UBE2E2: variants seen among roughly 807,000 people sequenced by gnomAD.
UBE2E2 encodes the protein ubiquitin conjugating enzyme E2 E2.
UBE2E2 carries 6 observed loss-of-function variants against 24.7 expected under a neutral mutation model. That is an observed-to-expected ratio of 0.24 (90% CI 0.13 to 0.48). UBE2E2 has a LOEUF of 0.48. Ranked by LOEUF, UBE2E2 falls within the 20% of genes least tolerant of loss-of-function variation. UBE2E2 has a pLI of 0.99. For missense variants in UBE2E2, 169 were observed against 245.0 expected, an observed-to-expected ratio of 0.69 and a Z score of 2.07; for synonymous variants, 104 against 83.6, an observed-to-expected ratio of 1.24 and a Z score of -1.33.
chr3:23,350,548 G>T (rs931380017), intron 3 of UBE2E2, among the ~76,000 whole-genome samples: 1 of 152,202 alleles, frequency 6.6e-6, no homozygotes, highest in Non-Finnish European at 1.5e-5. Context: ...TAAAGGAGCT[G>T]ATGGAGCTGA....
At chr3:23,281,092 AC>A (rs1393743391) in intron 3 of UBE2E2, among the ~76,000 whole-genome samples, 2 of 152,076 alleles carry the variant, frequency 1.3e-5, no homozygotes, top group South Asian at 4.2e-4. Context: ...ACCTAATATA[AC>A]CTCAGTTACT....
At chr3:23,432,324 G>A (rs1263990971) in intron 3 of UBE2E2, among the ~76,000 whole-genome samples, 1 of 151,910 alleles carries the variant, frequency 6.6e-6, no homozygotes, top group African/African-American at 2.4e-5. Flanking sequence ...ATTTGTATGA[G>A]GATTCTTCGT....
chr3:23,354,609 C>G (rs1475266996), intron 3 of UBE2E2, among the ~76,000 whole-genome samples: 4 of 152,118 alleles, frequency 2.6e-5, no homozygotes, highest in Admixed American at 2.0e-4. Flanking sequence ...ATTTATGCAG[C>G]CAAAAAACAC....
intron 3 of UBE2E2, among the ~76,000 whole-genome samples, chr3:23,481,250 T>G (rs1699253270): frequency 6.6e-6 from 1 of 152,220 alleles, no homozygotes; most frequent in Non-Finnish European, 1.5e-5. Context: ...AGCTTTAACA[T>G]TTCTATCCTT....
Position 23,332,495 on chromosome 3 carries a change from A to G in UBE2E2, c.227+115183A>G, listed in dbSNP as rs528746302. On this transcript the variant is annotated intron_variant, in intron 3 of 5. Coordinates refer to ENST00000396703, the MANE Select transcript of UBE2E2 (RefSeq NM_152653.4). ...TTAAAATAAAGATAAATCACTGGGG[A>G]AAAACATTTAAAAGCATGTGACTTT... Among the ~76,000 whole-genome samples the G allele has an allele frequency of 5.3e-5, 8 of 152,320 alleles. No homozygotes were observed. The East Asian group carries it at 1.2e-3, about 22-fold the overall frequency.
At chr3:23,327,225 T>C (rs1052827081) in intron 3 of UBE2E2, among the ~76,000 whole-genome samples, 3 of 152,224 alleles carry the variant, frequency 2.0e-5, no homozygotes, top group African/African-American at 7.2e-5. Flanking sequence ...TACTTCTAGT[T>C]CTAGGTCCTT....
chr3:23,236,916 T>C (rs928717246), intron 3 of UBE2E2, among the ~76,000 whole-genome samples: 1 of 152,172 alleles, frequency 6.6e-6, no homozygotes, highest in African/African-American at 2.4e-5. Context: ...GTCTCTCTCT[T>C]TCATTTGCTC....
intron 3 of UBE2E2, among the ~76,000 whole-genome samples, chr3:23,328,095 CT>C (rs979368444): frequency 6.6e-6 from 1 of 151,938 alleles, no homozygotes. Context: ...CAAATGTTTT[CT>C]TTTTTTGTGA....
At chr3:23,259,677 C>T (rs913928105) in intron 3 of UBE2E2, among the ~76,000 whole-genome samples, 1 of 151,758 alleles carries the variant, frequency 6.6e-6, no homozygotes, top group African/African-American at 2.4e-5. Flanking sequence ...AGAAAAATTA[C>T]CTTACATCAT....
intron 3 of UBE2E2, among the ~76,000 whole-genome samples, chr3:23,289,771 T>C (rs1428030841): frequency 6.6e-6 from 1 of 152,242 alleles, no homozygotes; most frequent in Non-Finnish European, 1.5e-5. Flanking sequence ...AGTTATGAAA[T>C]TGTAAAGGAA....
rs531383003 is a variant in UBE2E2 at position 23,268,560 on chromosome 3, A to C, written c.227+51248A>C. On this transcript the variant is annotated intron_variant, in intron 3 of 5. Coordinates refer to ENST00000396703, the MANE Select transcript of UBE2E2 (RefSeq NM_152653.4). ...GCTCAATGAAATAAAAGAGGATACA[A>C]AGAAATGGAAGAACATTCCATGCTC... 8.0e-4 allele frequency among the ~76,000 whole-genome samples: 118 copies of C among 147,276 alleles called. 1 individual carries two copies. The highest frequency in any genetic ancestry group is 2.8e-3 in the African/African-American group (112 of 39,428).
intron 1 of UBE2E2, among the ~76,000 whole-genome samples, chr3:23,207,380 G>T (rs2125315002): frequency 6.6e-6 from 1 of 152,004 alleles, no homozygotes; most frequent in East Asian, 1.9e-4. Flanking sequence ...TGAACTCAGA[G>T]CAAAGGGAAT....
intron 3 of UBE2E2, among the ~76,000 whole-genome samples, chr3:23,348,116 T>A (rs1695616432): frequency 6.6e-6 from 1 of 152,174 alleles, no homozygotes; most frequent in Non-Finnish European, 1.5e-5. Flanking sequence ...ATGGTATGAA[T>A]AACCAATGTT....
At chr3:23,509,231 A>G (rs990572175) in intron 4 of UBE2E2, among the ~76,000 whole-genome samples, 1 of 152,236 alleles carries the variant, frequency 6.6e-6, no homozygotes, top group African/African-American at 2.4e-5. Context: ...ATGAAGCTTC[A>G]GTTTTGGCAT....
At chr3:23,368,562 A>G (rs1181202880) in intron 3 of UBE2E2, among the ~76,000 whole-genome samples, 2 of 152,226 alleles carry the variant, frequency 1.3e-5, no homozygotes, top group African/African-American at 4.8e-5. Flanking sequence ...TACATATAAT[A>G]TAAAGTTGAT....
intron 3 of UBE2E2, among the ~76,000 whole-genome samples, chr3:23,490,220 T>G (rs950572794): frequency 6.6e-6 from 1 of 152,234 alleles, no homozygotes; most frequent in Admixed American, 6.5e-5. Context: ...CATAACCTAT[T>G]TCTAACAACC....
chr3:23,562,966 C>A (rs1036984987), intron 5 of UBE2E2, among the ~76,000 whole-genome samples: 1 of 152,080 alleles, frequency 6.6e-6, no homozygotes, highest in African/African-American at 2.4e-5. Context: ...CTCTTTTCAT[C>A]TTTATTAGTC....
chr3:23,581,074 T>A (rs1407587522), intron 5 of UBE2E2, among the ~76,000 whole-genome samples: 1 of 152,124 alleles, frequency 6.6e-6, no homozygotes, highest in Admixed American at 6.6e-5. Flanking sequence ...TTTTAATTTT[T>A]ATTTATTTAT....
At chr3:23,452,069 CTGGGCTTTGG>C in intron 3 of UBE2E2, among the ~76,000 whole-genome samples, 8 of 152,070 alleles carry the variant, frequency 5.3e-5, no homozygotes, top group African/African-American at 1.9e-4. Flanking sequence ...AGATGTTTTT[CTGGGCTTTGG>C]AGAGTATTTC....
Sources: gnomAD v4.1 joint callset for allele counts (sites outside exome capture counted in the v4.1 genomes callset) on GRCh38, gnomAD v4.1.1 for gene constraint, MANE v1.5 for transcripts, NCBI Gene and HGNC (gene_info 2026-07-23, HGNC 2026-07-21) for gene names.